Variants in VRK2 observed in about 807,000 individuals in gnomAD.
The protein encoded by VRK2 is serine/threonine-protein kinase VRK2.
Under a neutral mutation model 57.6 loss-of-function variants are expected in VRK2, and 60 were observed. The ratio of observed to expected loss-of-function variants is 1.04; its 90% CI spans 0.85 to 1.29. VRK2 has a LOEUF of 1.29. Ranked by LOEUF, VRK2 falls within the 50% of genes most tolerant of loss-of-function variation. The pLI is 0.00. For synonymous variants in VRK2, 231 were observed against 199.2 expected (o/e 1.16, Z -1.35); for missense variants, 705 against 588.1 (o/e 1.20, Z -2.06).
At chr2:58,139,094 G>T (rs557691973) in intron 10 of VRK2, among the ~76,000 whole-genome samples, 1 of 152,138 alleles carries the variant, frequency 6.6e-6, no homozygotes, top group East Asian at 1.9e-4. Context: ...ACACGAGGCT[G>T]TGTACCAGGC....
intron 3 of VRK2, among the ~76,000 whole-genome samples, chr2:58,040,608 G>A (rs539430175): frequency 1.5e-3 from 226 of 152,336 alleles, no homozygotes; most frequent in African/African-American, 5.0e-3. Context: ...TGGTTTAAGT[G>A]TCTTAAGGGC....
chr2:58,062,550 A>C (rs571477329), intron 2 of VRK2, among the ~76,000 whole-genome samples: 1 of 152,106 alleles, frequency 6.6e-6, no homozygotes, highest in Admixed American at 6.6e-5. Context: ...CTTAAAAGAA[A>C]TTAAAAGTGC....
Position 57,976,357 on chromosome 2 carries a change from C to G in VRK2, c.-438-49308C>G, listed in dbSNP as rs76691645. Among the ~76,000 whole-genome samples the G allele has an allele frequency of 2.0e-5, 3 of 152,150 alleles. No homozygotes were observed. The East Asian group carries it at 5.8e-4, about 29-fold the overall frequency. ...AAAACTACTTTCCACAGCGGCAGAA[C>G]TAATTTACATTCCCACCAGCAGAGT... On this transcript the variant is annotated intron_variant, in intron 1 of 15. Transcript: ENST00000417641.
intron 1 of VRK2, among the ~76,000 whole-genome samples, chr2:57,936,663 G>A (rs1304401119): frequency 1.3e-5 from 2 of 151,220 alleles, no homozygotes; most frequent in African/African-American, 2.4e-5. Flanking sequence ...AATATTTCCT[G>A]TTGTATTTAT....
At chr2:57,936,356 A>C (rs745925049) in intron 1 of VRK2, among the ~76,000 whole-genome samples, 2 of 152,238 alleles carry the variant, frequency 1.3e-5, no homozygotes, top group Non-Finnish European at 2.9e-5. Context: ...AATAATGGTA[A>C]GTTTAAGAAC....
chr2:58,059,443 T>A (rs1358838288), intron 2 of VRK2, among the ~76,000 whole-genome samples: 1 of 151,964 alleles, frequency 6.6e-6, no homozygotes, highest in Non-Finnish European at 1.5e-5. Context: ...TTTATAAATA[T>A]TGAATGATTC....
chr2:58,154,493 C>A (rs1425428144), intron 12 of VRK2, among the ~76,000 whole-genome samples: 1 of 151,820 alleles, frequency 6.6e-6, no homozygotes, highest in Non-Finnish European at 1.5e-5. Context: ...GGGGTGCAAA[C>A]AGATTATTAA....
chr2:57,912,693 C>A (rs1200207102), intron 1 of VRK2, among the ~76,000 whole-genome samples: 1 of 152,120 alleles, frequency 6.6e-6, no homozygotes, highest in Non-Finnish European at 1.5e-5. Context: ...TATTTTCTGG[C>A]AGCCAAATAG....
chr2:58,156,999 A>AACT (rs947395997), intron 12 of VRK2, among the ~76,000 whole-genome samples: 7 of 152,268 alleles, frequency 4.6e-5, no homozygotes, highest in African/African-American at 1.7e-4. Context: ...TCTGGCAGAC[A>AACT]GTTAACTTAC....
chr2:58,046,188 C>T (rs1387108624), upstream of VRK2, among the ~76,000 whole-genome samples: 1 of 152,166 alleles, frequency 6.6e-6, no homozygotes, highest in Non-Finnish European at 1.5e-5. Context: ...ATAAAGTCCT[C>T]ACCTTATTGT....
At chr2:57,963,263 T>G (rs745351644) in intron 1 of VRK2, among the ~76,000 whole-genome samples, 2 of 152,210 alleles carry the variant, frequency 1.3e-5, no homozygotes, top group Non-Finnish European at 2.9e-5. Context: ...GCTCAGCTCA[T>G]GTGTCTGTAG....
At chr2:58,000,931 G>A (rs1673070855) in intron 1 of VRK2, among the ~76,000 whole-genome samples, 1 of 152,088 alleles carries the variant, frequency 6.6e-6, no homozygotes, top group African/African-American at 2.4e-5. Flanking sequence ...AAATCATCTA[G>A]GCTAGAATAA....
At chr2:58,139,528 C>G (rs2104606281) in intron 10 of VRK2, 138 bp from the exon 11 acceptor site, 1 of 715,232 alleles carries the variant, frequency 1.4e-6, no homozygotes. Flanking sequence ...AAGTTATTTT[C>G]ATTGAATTGT....
intron 1 of VRK2, among the ~76,000 whole-genome samples, chr2:57,940,027 C>T (rs1437864626): frequency 6.6e-6 from 1 of 152,080 alleles, no homozygotes; most frequent in Non-Finnish European, 1.5e-5. Context: ...TCACAGTACA[C>T]TCAGATATCT....
chr2:57,960,364 A>G (rs529666890), intron 1 of VRK2, among the ~76,000 whole-genome samples: 4 of 152,308 alleles, frequency 2.6e-5, no homozygotes, highest in African/African-American at 9.6e-5. Context: ...CTCCTAATAC[A>G]GTTCTTCCAC....
chr2:58,119,286 T>A (rs1340891587), intron 7 of VRK2, among the ~76,000 whole-genome samples: 1 of 150,546 alleles, frequency 6.6e-6, no homozygotes, highest in Non-Finnish European at 1.5e-5. Flanking sequence ...TCACTTCAGG[T>A]CAGGAGTTCG....
intron 4 of VRK2, among the ~76,000 whole-genome samples, chr2:58,085,440 T>C (rs1222172875): frequency 2.1e-4 from 32 of 151,992 alleles, no homozygotes; most frequent in Admixed American, 2.0e-3. Flanking sequence ...GGAAAATTAA[T>C]TGGAGCTGGA....
chr2:58,043,205 C>T (rs1674532423), upstream of VRK2, among the ~76,000 whole-genome samples: 1 of 152,108 alleles, frequency 6.6e-6, no homozygotes, highest in Admixed American at 6.5e-5. Flanking sequence ...ACACTTAACA[C>T]TTCATGGATG....
At chr2:58,013,844 A>G (rs1440976729) in intron 1 of VRK2, among the ~76,000 whole-genome samples, 1 of 137,380 alleles carries the variant, frequency 7.3e-6, no homozygotes, top group Non-Finnish European at 1.5e-5. Flanking sequence ...GGGCGACAGA[A>G]CGAGACTCCG....
Sources: allele counts gnomAD v4.1 joint callset (sites outside exome capture counted in the v4.1 genomes callset), GRCh38; gene constraint gnomAD v4.1.1; transcripts MANE v1.5; gene names NCBI Gene and HGNC (gene_info 2026-07-23, HGNC 2026-07-21).